DLGAP2: variants seen among roughly 807,000 people sequenced by gnomAD.
DLGAP2 encodes DLG associated protein 2, also known as disks large-associated protein 2.
In DLGAP2, 26 loss-of-function variants were observed where a neutral mutation model predicts 100.3. The observed-to-expected ratio is 0.26, with a 90% CI of 0.19 to 0.36. The LOEUF (loss-of-function observed/expected upper bound fraction) is 0.36, where lower values mean the gene tolerates loss of function less well. Ranked by LOEUF, DLGAP2 falls within the 10% of genes least tolerant of loss-of-function variation. The pLI, the probability that DLGAP2 is intolerant of heterozygous loss-of-function variation, is 1.00. For synonymous variants in DLGAP2, 886 were observed against 630.1 expected, an observed-to-expected ratio of 1.41 and a Z score of -6.08; for missense variants, 1,858 against 1,453.2, an observed-to-expected ratio of 1.28 and a Z score of -4.53.
chr8:798,066 A>G (rs550866425), intron 1 of DLGAP2, among the ~76,000 whole-genome samples: 1 of 152,214 alleles, frequency 6.6e-6, no homozygotes, highest in Admixed American at 6.5e-5. Flanking sequence ...TTGTACTTTA[A>G]CTGCTCCCGA....
rs193085002 is a variant in DLGAP2, at chr8:1,156,821, C to T, written c.74-102030C>T. ...TTTGTTCCCAGGTGGCATTTTTCAT[C>T]CAGCTTCATTCACACTGAGAGAGGT... On this transcript the variant is annotated intron_variant, in intron 2 of 14. Transcript: ENST00000637795. 7.6e-3 allele frequency among the ~76,000 whole-genome samples: 1,158 copies of T among 152,306 alleles called. 3 individuals carry two copies. The highest frequency in any genetic ancestry group is 0.012 in the Non-Finnish European group (825 of 68,024).
Position 1,549,134 on chromosome 8 carries a change from G to A in DLGAP2, c.681G>A (p.Gly227=), listed in dbSNP as rs1327646640. ...AAAEQRSESP[G]RIRHLVHSVQ... ...CCGAGCAGCGCAGCGAGAGCCCCGG[G>A]CGGATCCGCCACCTGGTACACTCCG... The change falls in exon 5 of 15, where the codon GGG becomes GGA. Residue 227 remains glycine (G), a synonymous_variant. Transcript: ENST00000637795. 1 of 1,590,924 alleles carries A rather than the reference G, an allele frequency of 6.3e-7. No individual in the cohort carries two copies. Among genetic ancestry groups the A allele is most frequent in the Non-Finnish European group, 8.5e-7 (1 of 1,170,750 alleles).
At position 1,436,284 on chromosome 8, in the gene DLGAP2, C is replaced by A. The variant is rs142966131; in HGVS notation, c.107-65082C>A. Among the ~76,000 whole-genome samples, 185 of 152,298 alleles carry A rather than the reference C, an allele frequency of 1.2e-3. 1 individual carries two copies. Among genetic ancestry groups the A allele is most frequent in the African/African-American group, 4.2e-3 (174 of 41,568 alleles). On this transcript the variant is annotated intron_variant, in intron 3 of 14. Transcript: ENST00000637795. ...CCCCGGGCAAACCACTGGTGTGAGT[C>A]CAAGAGTCCAAAAGCTGAAGAACTT...
chr8:1,576,207 T>A (rs896818129), intron 6 of DLGAP2, among the ~76,000 whole-genome samples: 2 of 152,242 alleles, frequency 1.3e-5, no homozygotes, highest in Non-Finnish European at 2.9e-5. Flanking sequence ...TTTGCATTTC[T>A]CTGATGGCCA....
intron 1 of DLGAP2, among the ~76,000 whole-genome samples, chr8:749,966 G>A (rs1563410728): frequency 6.6e-6 from 1 of 152,118 alleles, no homozygotes; most frequent in Non-Finnish European, 1.5e-5. Flanking sequence ...TTCTCCTGGG[G>A]TCTCCCCTTC....
intron 6 of DLGAP2, among the ~76,000 whole-genome samples, chr8:1,587,329 C>G (rs1403366891): frequency 2.0e-5 from 3 of 152,104 alleles, no homozygotes; most frequent in African/African-American, 7.2e-5. Context: ...GGGGGATGGT[C>G]TTGAAAAAGG....
intron 2 of DLGAP2, among the ~76,000 whole-genome samples, chr8:1,188,336 ATC>A (rs1331662486): frequency 7.3e-6 from 1 of 136,404 alleles, no homozygotes; most frequent in Admixed American, 7.2e-5. Flanking sequence ...CCCTCACGGA[ATC>A]TCACACACCC....
chr8:1,079,322 A>G (rs1339660959), intron 2 of DLGAP2, among the ~76,000 whole-genome samples: 2 of 152,246 alleles, frequency 1.3e-5, no homozygotes, highest in South Asian at 2.1e-4. Flanking sequence ...TGTTTTACAA[A>G]TATTTTCTCT....
Position 1,690,689 on chromosome 8 carries a change from G to A in DLGAP2, c.2705-846G>A, listed in dbSNP as rs1172148685. Among the ~76,000 whole-genome samples, 3 of 119,748 alleles carry A rather than the reference G, an allele frequency of 2.5e-5. No individual in the cohort carries two copies. The Admixed American group carries it at 3.0e-4, about 12-fold the overall frequency. 78.6% of individuals were successfully genotyped at this position (119,748 alleles called of 152,430 possible). A position where few individuals can be genotyped will look rare whatever the true frequency, so the allele number is the denominator to read the frequency against. On this transcript the variant is annotated intron_variant, in intron 12 of 14. Coordinates refer to ENST00000637795, the MANE Select transcript of DLGAP2 (RefSeq NM_001346810.2). ...ACTCCACTCCAGCCTGGGCGATAAA[G>A]GGAGACCCTATCTCAAAAAAAAAAA...
intron 8 of DLGAP2, 31 bp downstream of exon 8, chr8:1,633,077 G>A (rs757805273): frequency 1.6e-5 from 26 of 1,611,082 alleles, no homozygotes; most frequent in Admixed American, 8.3e-5. Flanking sequence ...GCCTTCCAGC[G>A]GGGACTCTAG....
At chr8:1,214,975 C>T (rs571896707) in intron 2 of DLGAP2, among the ~76,000 whole-genome samples, 12 of 152,298 alleles carry the variant, frequency 7.9e-5, no homozygotes, top group African/African-American at 2.9e-4. Context: ...AATCTCGTTT[C>T]GGGAGAGCAC....
At chr8:1,628,737 C>A (rs1005917881) in intron 7 of DLGAP2, among the ~76,000 whole-genome samples, 8 of 150,058 alleles carry the variant, frequency 5.3e-5, no homozygotes, top group Non-Finnish European at 1.2e-4. Context: ...CCTGAGCTGA[C>A]CTCACATTCT....
chr8:1,374,171 G>T (rs796445392), intron 3 of DLGAP2, among the ~76,000 whole-genome samples: 3 of 142,980 alleles, frequency 2.1e-5, no homozygotes, highest in Admixed American at 7.6e-5. Flanking sequence ...GGTTAGGTTT[G>T]CAGAGGGCTG....
At chr8:804,741 A>G (rs7824324) in intron 1 of DLGAP2, among the ~76,000 whole-genome samples, 37,910 of 152,120 alleles carry the variant, frequency 0.25, 5,899 homozygotes, top group African/African-American at 0.44. Flanking sequence ...TGGTTGTCCT[A>G]TACAAGTTAA....
chr8:1,149,295 G>A (rs1381313708), intron 2 of DLGAP2, among the ~76,000 whole-genome samples: 1 of 152,038 alleles, frequency 6.6e-6, no homozygotes, highest in South Asian at 2.1e-4. Context: ...ACAGGCACCC[G>A]CCACCGCACC....
At chr8:1,138,385 C>T (rs572546455) in intron 2 of DLGAP2, among the ~76,000 whole-genome samples, 98 of 152,330 alleles carry the variant, frequency 6.4e-4, no homozygotes, top group Admixed American at 7.8e-4. Context: ...TCCCCCACTG[C>T]GAGGGATTTC....
At chr8:1,499,264 C>G (rs919729624) in intron 3 of DLGAP2, among the ~76,000 whole-genome samples, 2 of 152,224 alleles carry the variant, frequency 1.3e-5, no homozygotes, top group African/African-American at 4.8e-5. Context: ...AGTGCTCATG[C>G]TTGTCATTGC....
At chr8:1,413,767 G>T (rs1241189219) in intron 3 of DLGAP2, among the ~76,000 whole-genome samples, 2 of 152,242 alleles carry the variant, frequency 1.3e-5, no homozygotes, top group East Asian at 3.8e-4. Flanking sequence ...GGATGATGGG[G>T]TTAGATTGTG....
chr8:858,607 G>A (rs112969984), intron 1 of DLGAP2, among the ~76,000 whole-genome samples: 2 of 126,122 alleles, frequency 1.6e-5, no homozygotes, highest in Admixed American at 7.8e-5. Flanking sequence ...CCGTGGGCAC[G>A]TGTGTGATGC....
Sources: allele counts gnomAD v4.1 joint callset (sites outside exome capture counted in the v4.1 genomes callset), GRCh38; gene constraint gnomAD v4.1.1; transcripts MANE v1.5; gene names NCBI Gene and HGNC (gene_info 2026-07-23, HGNC 2026-07-21).